Variants in GDPD4 observed in about 807,000 individuals in gnomAD.
GDPD4 encodes glycerophosphodiester phosphodiesterase 6.
GDPD4 carries 60 observed loss-of-function variants against 67.8 expected under a neutral mutation model. The ratio of observed to expected loss-of-function variants is 0.88; its 90% CI spans 0.72 to 1.10. The LOEUF (loss-of-function observed/expected upper bound fraction) is 1.10, where lower values mean the gene tolerates loss of function less well. GDPD4 is among the 50% of genes least tolerant of loss of function. The pLI, the probability that GDPD4 is intolerant of heterozygous loss-of-function variation, is 0.00. For missense variants in GDPD4, 623 were observed against 613.9 expected (o/e 1.01, Z -0.16); for synonymous variants, 212 against 210.9 (o/e 1.00, Z -0.04).
chr11:77,222,424 C>T (rs1565503657), intron 16 of GDPD4, among the ~76,000 whole-genome samples: 1 of 152,152 alleles, frequency 6.6e-6, no homozygotes, highest in Non-Finnish European at 1.5e-5. Flanking sequence ...CTGGTGGTGA[C>T]AAAATCTCTC....
chr11:77,243,806 C>A lies in GDPD4; in HGVS notation c.1129G>T (p.Val377Leu), dbSNP rs1451048684. ...CCCACATGCTGAAAACCAGGAGCCACGGACCTGACGTATTGCCTATCATGA... is the reference window on the plus strand; with the variant it reads ...CCCACATGCTGAAAACCAGGAGCCAAGGACCTGACGTATTGCCTATCATGA... ...PAHDRQYVRS[V>L]APGFQHVGRL... The change falls in exon 13 of 17, where the codon GTG becomes TTG. Residue 377 changes from valine (V) to leucine (L), a missense_variant. Physicochemically the swap from Val to Leu is conservative, Grantham distance 32. Coordinates refer to ENST00000315938, the MANE Select transcript of GDPD4 (RefSeq NM_182833.3). 1.9e-6 allele frequency: 3 copies of A among 1,613,760 alleles called. No individual in the cohort carries two copies. The highest frequency in any genetic ancestry group is 8.5e-7 in the Non-Finnish European group (1 of 1,179,732).
intron 1 of GDPD4, among the ~76,000 whole-genome samples, chr11:77,293,313 G>A (rs1455324093): frequency 1.3e-5 from 2 of 152,196 alleles, no homozygotes; most frequent in Admixed American, 1.3e-4. Flanking sequence ...TCAACTTGGG[G>A]CCAGGCATGG....
chr11:77,268,056 G>A (rs1169134235), intron 10 of GDPD4, among the ~76,000 whole-genome samples: 1 of 152,010 alleles, frequency 6.6e-6, no homozygotes, highest in African/African-American at 2.4e-5. Context: ...TCACTAGCTG[G>A]AACATCTTTT....
intron 11 of GDPD4, among the ~76,000 whole-genome samples, chr11:77,250,282 C>T (rs1440434028): frequency 2.0e-5 from 3 of 152,058 alleles, no homozygotes; most frequent in South Asian, 2.1e-4. Flanking sequence ...TTGTTGCCAT[C>T]TTTATGTTCA....
At chr11:77,244,614 G>A (rs1958744442) in intron 12 of GDPD4, among the ~76,000 whole-genome samples, 1 of 152,116 alleles carries the variant, frequency 6.6e-6, no homozygotes, top group African/African-American at 2.4e-5. Flanking sequence ...CGAGGCAAGA[G>A]GATCCCTTGA....
At chr11:77,225,708 C>A (rs1321818565) in intron 16 of GDPD4, among the ~76,000 whole-genome samples, 4 of 152,040 alleles carry the variant, frequency 2.6e-5, no homozygotes, top group Non-Finnish European at 5.9e-5. Flanking sequence ...TGAAAAATAC[C>A]CCCTCACACT....
At chr11:77,236,509 G>A (rs1958570516) in intron 13 of GDPD4, among the ~76,000 whole-genome samples, 1 of 152,058 alleles carries the variant, frequency 6.6e-6, no homozygotes, top group East Asian at 1.9e-4. Context: ...CTTTAAAGAT[G>A]CCAAGTGGTT....
At chr11:77,265,809 G>A (rs1212520182) in intron 10 of GDPD4, among the ~76,000 whole-genome samples, 8 of 151,986 alleles carry the variant, frequency 5.3e-5, no homozygotes, top group Non-Finnish European at 1.0e-4. Flanking sequence ...TTTTAAAGTG[G>A]GAGCCACTTC....
intron 7 of GDPD4, among the ~76,000 whole-genome samples, chr11:77,270,534 G>A (rs927478941): frequency 6.6e-6 from 1 of 152,146 alleles, no homozygotes; most frequent in African/African-American, 2.4e-5. Flanking sequence ...TGGCCAACAT[G>A]GTAAAACCCC....
chr11:77,269,903 T>C lies in GDPD4; in HGVS notation c.458A>G (p.Asn153Ser). 2 of 1,585,044 alleles carry C rather than the reference T, an allele frequency of 1.3e-6. No individual in the cohort carries two copies. Among genetic ancestry groups the C allele is most frequent in the Non-Finnish European group, 1.7e-6 (2 of 1,155,542 alleles). ...CTAACCTCTTAACCTTGTGATTACA[T>C]TACATTGCTTGAGTCTTTTTTTCTC... ...HSEKKRLKQC[N>S]VITRLRGLQV... The change falls in exon 8 of 17, where the codon AAT becomes AGT. Residue 153 changes from asparagine to serine, a missense_variant. Asn to Ser is a conservative substitution (Grantham distance 46). Coordinates refer to ENST00000315938, the MANE Select transcript of GDPD4 (RefSeq NM_182833.3).
chr11:77,292,797 A>G (rs940788116), intron 1 of GDPD4, among the ~76,000 whole-genome samples: 15 of 152,334 alleles, frequency 9.8e-5, no homozygotes, highest in African/African-American at 3.6e-4. Flanking sequence ...TCAAAAGAGT[A>G]GCAATAAAGA....
intron 15 of GDPD4, among the ~76,000 whole-genome samples, chr11:77,228,917 T>A (rs1413526166): frequency 6.6e-6 from 1 of 152,188 alleles, no homozygotes. Flanking sequence ...GAATCCATAG[T>A]AATAGGCTTG....
chr11:77,224,848 T>C (rs113144128), intron 16 of GDPD4, among the ~76,000 whole-genome samples: 2,438 of 152,096 alleles, frequency 0.016, 24 homozygotes, highest in African/African-American at 0.025. Flanking sequence ...ACATCTGTAA[T>C]TCCAGTGCTT....
chr11:77,279,237 T>A, intron 4 of GDPD4, 69 bp downstream of exon 4: 1 of 963,948 alleles, frequency 1.0e-6, no homozygotes, highest in South Asian at 1.3e-5. Context: ...CTGGATACTA[T>A]ACCACAGGCA....
At chr11:77,257,307 G>C (rs61018348) in intron 11 of GDPD4, among the ~76,000 whole-genome samples, 3 of 152,108 alleles carry the variant, frequency 2.0e-5, no homozygotes, top group African/African-American at 7.2e-5. Context: ...GCTAGAAAAC[G>C]TAGGTTGTTT....
At chr11:77,225,215 C>T (rs1234707626) in intron 16 of GDPD4, among the ~76,000 whole-genome samples, 1 of 151,390 alleles carries the variant, frequency 6.6e-6, no homozygotes, top group Non-Finnish European at 1.5e-5. Flanking sequence ...GCAGGAGAAT[C>T]GCTTGAAACT....
chr11:77,266,479 T>C (rs961605970), intron 10 of GDPD4, among the ~76,000 whole-genome samples: 1 of 152,214 alleles, frequency 6.6e-6, no homozygotes, highest in African/African-American at 2.4e-5. Context: ...TTTATATATT[T>C]ACTACACTAC....
intron 16 of GDPD4, among the ~76,000 whole-genome samples, chr11:77,224,042 G>A (rs967762544): frequency 1.5e-4 from 23 of 152,208 alleles, no homozygotes; most frequent in African/African-American, 3.1e-4. Context: ...TGCTAAGACC[G>A]TTGGAAAAGT....
At chr11:77,225,300 C>CAAAAAAA (rs34996619) in intron 16 of GDPD4, among the ~76,000 whole-genome samples, 1,444 of 120,480 alleles carry the variant, frequency 0.012, 11 homozygotes, top group Middle Eastern at 0.025. Flanking sequence ...GACTCTGTCT[C>CAAAAAAA]AAAAAAAAAA....
Sources: allele counts gnomAD v4.1 joint callset (sites outside exome capture counted in the v4.1 genomes callset), GRCh38; gene constraint gnomAD v4.1.1; transcripts MANE v1.5; gene names NCBI Gene and HGNC (gene_info 2026-07-23, HGNC 2026-07-21).